Variants in CCDC40 observed in about 807,000 individuals in gnomAD.
CCDC40 encodes the protein coiled-coil domain-containing protein 40.
CCDC40 carries 104 observed loss-of-function variants against 124.5 expected under a neutral mutation model. That is an observed-to-expected ratio of 0.84 (90% CI 0.71 to 0.98). The LOEUF (loss-of-function observed/expected upper bound fraction) is 0.98. Ranked by LOEUF, CCDC40 falls within the 50% of genes least tolerant of loss-of-function variation. The pLI is 0.00. For missense variants in CCDC40, 1,463 were observed against 1,503.9 expected (o/e 0.97, Z 0.45); for synonymous variants, 580 against 602.9 (o/e 0.96, Z 0.56).
rs1280184366 is a variant in CCDC40, at chr17:80,090,375, C to A, written c.2832+491C>A. 4.5e-3 allele frequency: 5,006 copies of A among 1,105,590 alleles called. 1,289 individuals carry two copies. Among genetic ancestry groups the A allele is most frequent in the Non-Finnish European group, 5.4e-3 (4,172 of 777,954 alleles). 68.5% of individuals were successfully genotyped at this position (1,105,590 alleles called of 1,614,324 possible). A position where few individuals can be genotyped will look rare whatever the true frequency, so the allele number is the denominator to read the frequency against. On this transcript the variant is annotated intron_variant, in intron 17 of 19. Transcript: ENST00000397545. ...ACGCGCGCAGGCACGTGCACGAACA[C>A]AGGACACACACAGCACGTGCATGAA...
intron 10 of CCDC40, among the ~76,000 whole-genome samples, chr17:80,073,781 T>C (rs1428000051): frequency 2.6e-5 from 4 of 151,928 alleles, no homozygotes; most frequent in African/African-American, 7.2e-5. Flanking sequence ...TTGCAACCTC[T>C]ACCTCCCGGG....
At chr17:80,064,550 G>A (rs532644004) in intron 9 of CCDC40, among the ~76,000 whole-genome samples, 310 of 152,210 alleles carry the variant, frequency 2.0e-3, no homozygotes, top group Non-Finnish European at 3.5e-3. Flanking sequence ...CACAGCTGGG[G>A]ACACTGAGGC....
In CCDC40 at chr17:80,066,580, A is replaced by AC. The variant is rs2038052027; in HGVS notation, c.1562+978dup. ...AGACCAGCCTGGCCAAGATGGTGAA[A>AC]CCCCGTCTCTACTAAAAATACAAAA... On this transcript the variant is annotated intron_variant, in intron 10 of 19. Transcript: ENST00000397545. This position sits in a 1 kb window ranked among gnomAD's most constrained non-coding sequence, Gnocchi z 4.4. 2 of 174,852 alleles carry AC rather than the reference A, an allele frequency of 1.1e-5. No homozygotes were observed. Among genetic ancestry groups the AC allele is most frequent in the East Asian group, 3.3e-4 (2 of 6,048 alleles). 10.8% of individuals were successfully genotyped at this position (174,852 alleles called of 1,614,324 possible).
In CCDC40 at chr17:80,058,396, C is replaced by T. The variant is rs943532632; in HGVS notation, c.1160-98C>T. 119 of 1,113,982 alleles carry T rather than the reference C, an allele frequency of 1.1e-4. 1 individual carries two copies. In the South Asian group the frequency reaches 1.2e-3, roughly 11 times the overall value. The allele number at this position is 1,113,982 out of a possible 1,614,324, so 69.0% of individuals were successfully genotyped here. A position where few individuals can be genotyped will look rare whatever the true frequency, so the allele number is the denominator to read the frequency against. ...AAAATGGCAGGAAGGGTGCCCAGAA[C>T]GGCTGTTCCCTGCTTCCTCCTGGGT... On this transcript the variant is annotated intron_variant, in intron 7 of 19. Coordinates refer to ENST00000397545, the MANE Select transcript of CCDC40 (RefSeq NM_017950.4). This position sits in a 1 kb window ranked among gnomAD's most constrained non-coding sequence, Gnocchi z 4.2.
Position 80,062,806 on chromosome 17 carries a change from G to T in CCDC40, c.1441-2679G>T, listed in dbSNP as rs183886575. Reference sequence around the variant, plus strand: ...GTGTTTCTTTTTGTTGCCCAGACTGGTTGGGAACTCCTGGCCTCAAGTAAT... The same window carrying T: ...GTGTTTCTTTTTGTTGCCCAGACTGTTTGGGAACTCCTGGCCTCAAGTAAT... On this transcript the variant is annotated intron_variant, in intron 9 of 19. Transcript: ENST00000397545. Among the ~76,000 whole-genome samples the T allele has an allele frequency of 3.9e-5, 6 of 152,156 alleles. No individual in the cohort carries two copies. The East Asian group carries it at 7.8e-4, about 20-fold the overall frequency.
chr17:80,090,352 G>A lies in CCDC40; in HGVS notation c.2832+468G>A, dbSNP rs1305412314. The A allele has an allele frequency of 5.8e-6, 6 of 1,036,098 alleles. 1 individual carries two copies. The highest frequency in any genetic ancestry group is 3.4e-5 in the African/African-American group (2 of 59,604). 64.2% of individuals were successfully genotyped at this position (1,036,098 alleles called of 1,614,324 possible). On this transcript the variant is annotated intron_variant, in intron 17 of 19. Transcript: ENST00000397545. ...GCAGGCACGTGCACGAACAAGGGAC[G>A]CGCGCAGGCACGTGCACGAACACAG...
intron 10 of CCDC40, among the ~76,000 whole-genome samples, chr17:80,068,870 T>TA (rs1355246644): frequency 6.6e-6 from 1 of 152,242 alleles, no homozygotes; most frequent in Non-Finnish European, 1.5e-5. Flanking sequence ...AGCAGATTCT[T>TA]ATCTGTGGGG....
Position 80,058,849 on chromosome 17 carries a change from GT to G in CCDC40, c.1318-6del, listed in dbSNP as rs1411057514. The stretch of plus-strand genomic sequence containing the variant: ...TCCTGACGGGGCTGCTTCTCATCCT[GT>G]TTCCCAGGACCTGTATGTGGACCAG... On this transcript the variant is annotated splice_region_variant and splice_polypyrimidine_tract_variant and intron_variant, in intron 8 of 19. Transcript: ENST00000397545. The surrounding 1 kb of genome is among the most constrained non-coding windows in gnomAD (Gnocchi z 4.2). 1 of 1,614,112 alleles carries G rather than the reference GT, an allele frequency of 6.2e-7. No individual in the cohort carries two copies. The highest frequency in any genetic ancestry group is 1.1e-5 in the South Asian group (1 of 91,078).
chr17:80,095,361 G>T lies in CCDC40; in HGVS notation c.2931G>T (p.Gly977=), dbSNP rs771283795. The T allele has an allele frequency of 3.1e-6, 5 of 1,614,016 alleles. No homozygotes were observed. In the Admixed American group the frequency reaches 5.0e-5, roughly 16 times the overall value. The change falls in exon 18 of 20, where the codon GGG becomes GGT. Residue 977 remains glycine, a synonymous_variant. Transcript: ENST00000397545. ...RRETVTTQAE[G]QRKMDRKALT... ...AGACCGTCACCACCCAGGCCGAGGG[G>T]CAGCGCAAGATGGACAGGAAGGCGC...
At chr17:80,049,652 C>G (rs1270425363) in intron 5 of CCDC40, among the ~76,000 whole-genome samples, 1 of 151,976 alleles carries the variant, frequency 6.6e-6, no homozygotes, top group Non-Finnish European at 1.5e-5. Context: ...TGCTCCACCC[C>G]ACCCTCTGGC....
chr17:80,036,645 G>A lies in CCDC40; in HGVS notation c.-18G>A, dbSNP rs551907438. 4.8e-6 allele frequency: 7 copies of A among 1,456,720 alleles called. No homozygotes were observed. The South Asian group carries it at 8.1e-5, about 17-fold the overall frequency. The allele number at this position is 1,456,720 out of a possible 1,614,324, so 90.2% of individuals were successfully genotyped here. A position where few individuals can be genotyped will look rare whatever the true frequency, so the allele number is the denominator to read the frequency against. On this transcript the variant is annotated 5_prime_UTR_variant, in exon 1 of 20. Coordinates refer to ENST00000397545, the MANE Select transcript of CCDC40 (RefSeq NM_017950.4). ...CCCGGCCCGGCCGGATGTTGACAGC[G>A]TCGCCTAGCAACGGGAAATGGCGGA...
rs1347755705 is a variant in CCDC40 at position 80,067,750 on chromosome 17, G to GGT, written c.1562+2145_1562+2146dup. 4 of 1,500,938 alleles carry GGT rather than the reference G, an allele frequency of 2.7e-6. No homozygotes were observed. In the East Asian group the frequency reaches 7.4e-5, roughly 28 times the overall value. The allele number at this position is 1,500,938 out of a possible 1,614,324, so 93.0% of individuals were successfully genotyped here. On this transcript the variant is annotated intron_variant, in intron 10 of 19. Coordinates refer to ENST00000397545, the MANE Select transcript of CCDC40 (RefSeq NM_017950.4). ...AAGCCCGGAATGTCTGGGTCTAGCGGGTATTGCTAAGTAGGATTGTGACAG... is the reference window on the plus strand; with the variant it reads ...AAGCCCGGAATGTCTGGGTCTAGCGGGTGTATTGCTAAGTAGGATTGTGACAG...
intron 10 of CCDC40, among the ~76,000 whole-genome samples, chr17:80,074,517 C>T (rs1187689518): frequency 6.6e-6 from 1 of 152,124 alleles, no homozygotes; most frequent in African/African-American, 2.4e-5. Context: ...GGCATGCTAG[C>T]TCAAGTAATC....
chr17:80,048,679 T>TG lies in CCDC40; in HGVS notation c.775dup (p.Ala259GlyfsTer10). On this transcript the variant is annotated frameshift_variant, in exon 5 of 20. Coordinates refer to ENST00000397545, the MANE Select transcript of CCDC40 (RefSeq NM_017950.4). LOFTEE classifies it high-confidence loss of function. ...CAGCCCAGCACCGAGGAGGGGGCCA[T>TG]GGCAGAGAGAGTGGAGTCCGAGGGG... 1 of 1,614,034 alleles carries TG rather than the reference T, an allele frequency of 6.2e-7. No homozygotes were observed. The highest frequency in any genetic ancestry group is 2.2e-5 in the East Asian group (1 of 44,874).
Position 80,071,435 on chromosome 17 carries a change from C to G in CCDC40, c.1562+5829C>G, listed in dbSNP as rs561076652. Reference sequence around the variant, plus strand: ...GCAGTGTCCTGGGAGAGAACCCGGCCTTGACCACAGGCTGCTGGACACCTC... The same window carrying G: ...GCAGTGTCCTGGGAGAGAACCCGGCGTTGACCACAGGCTGCTGGACACCTC... On this transcript the variant is annotated intron_variant, in intron 10 of 19. Coordinates refer to ENST00000397545, the MANE Select transcript of CCDC40 (RefSeq NM_017950.4). Among the ~76,000 whole-genome samples the G allele has an allele frequency of 9.3e-4, 142 of 152,352 alleles. 2 individuals are homozygous for G. The highest frequency in any genetic ancestry group is 3.2e-3 in the African/African-American group (134 of 41,580).
At chr17:80,071,320 C>T (rs1311245443) in intron 10 of CCDC40, among the ~76,000 whole-genome samples, 4 of 152,200 alleles carry the variant, frequency 2.6e-5, no homozygotes, top group African/African-American at 4.8e-5. Flanking sequence ...AGATGTGACT[C>T]GGTCAGCCAC....
intron 7 of CCDC40, among the ~76,000 whole-genome samples, chr17:80,052,605 A>ATG (rs3071324): frequency 0.32 from 48,429 of 151,928 alleles, 10,491 homozygotes; most frequent in African/African-American, 0.62. Flanking sequence ...TCACACCAAA[A>ATG]TGAGTTACCA....
rs1469241220 is a variant in CCDC40 at position 80,081,527 on chromosome 17, C to T, written c.1563-19C>T. The T allele has an allele frequency of 3.7e-6, 6 of 1,613,198 alleles. No individual in the cohort carries two copies. The highest frequency in any genetic ancestry group is 2.2e-5 in the East Asian group (1 of 44,896). ...TGATGTCTCACACGTAACTGGCTCT[C>T]CCCGCTGCATTTCTACAGAGGATGC... On this transcript the variant is annotated intron_variant, in intron 10 of 19. Coordinates refer to ENST00000397545, the MANE Select transcript of CCDC40 (RefSeq NM_017950.4).
At chr17:80,054,974 C>CA (rs11323639) in intron 7 of CCDC40, among the ~76,000 whole-genome samples, 47 of 135,180 alleles carry the variant, frequency 3.5e-4, no homozygotes, top group South Asian at 9.5e-4. Flanking sequence ...GACACTGTCT[C>CA]AAAAAAAAAA....
Sources: gnomAD v4.1 joint callset for allele counts (sites outside exome capture counted in the v4.1 genomes callset) on GRCh38, gnomAD v4.1.1 for gene constraint, Gnocchi (gnomAD v3.1) non-coding constraint, MANE v1.5 for transcripts, NCBI Gene and HGNC (gene_info 2026-07-23, HGNC 2026-07-21) for gene names.